The following DOCK4 variants were observed in gnomAD, a reference collection of about 807,000 sequenced individuals.
The protein encoded by DOCK4 is dedicator of cytokinesis protein 4.
In DOCK4, 97 loss-of-function variants were observed where a neutral mutation model predicts 268.1. The observed-to-expected ratio is 0.36, with a 90% CI of 0.31 to 0.43. The LOEUF (loss-of-function observed/expected upper bound fraction) is 0.43. Ranked by LOEUF, DOCK4 falls within the 20% of genes least tolerant of loss-of-function variation. DOCK4 has a pLI of 1.00. For synonymous variants in DOCK4, 954 were observed against 887.2 expected (o/e 1.08, Z -1.34); for missense variants, 2,145 against 2,455.7 (o/e 0.87, Z 2.67).
chr7:111,810,966 C>T (rs187267361), intron 28 of DOCK4, among the ~76,000 whole-genome samples: 1 of 152,188 alleles, frequency 6.6e-6, no homozygotes, highest in Non-Finnish European at 1.5e-5. Flanking sequence ...TGCGTCACTG[C>T]ATTCCAGCCT....
At chr7:111,808,664 T>C (rs1800850037) in intron 30 of DOCK4, 157 bp downstream of exon 30, 1 of 686,736 alleles carries the variant, frequency 1.5e-6, no homozygotes, top group South Asian at 2.5e-5. Context: ...TGTAACCTCA[T>C]TCAATGCCAA....
At position 111,728,335 on chromosome 7, in the gene DOCK4, G is replaced by C. The variant is rs760387414; in HGVS notation, c.5867C>G (p.Ala1956Gly). The change falls in exon 53 of 53, where the codon GCC becomes GGC. Residue 1956 changes from alanine (A) to glycine (G), a missense_variant. Around this residue, in one of 2 missense-constraint regions of DOCK4, gnomAD observed 547 missense variants for 469.0 expected, o/e 1.17. Transcript: ENST00000428084. Reference protein sequence around the residue: ...AARSSHLENGARRTDPGPRPR... With the variant: ...AARSSHLENGGRRTDPGPRPR... The stretch of plus-strand genomic sequence containing the variant: ...CCGCGGGCCGGGGTCAGTCCTCCGG[G>C]CCCCATTCTCCAGGTGGCTGGATCG... 15 of 1,519,004 alleles carry C rather than the reference G, an allele frequency of 9.9e-6. No homozygotes were observed. In the East Asian group the frequency reaches 3.2e-4, roughly 32 times the overall value. The allele number at this position is 1,519,004 out of a possible 1,614,324, so 94.1% of individuals were successfully genotyped here. A position where few individuals can be genotyped will look rare whatever the true frequency, so the allele number is the denominator to read the frequency against.
At chr7:111,973,156 C>CGCATATATATATATATATATAT (rs990863473) in intron 8 of DOCK4, among the ~76,000 whole-genome samples, 34 of 114,042 alleles carry the variant, frequency 3.0e-4, no homozygotes, top group African/African-American at 1.0e-3. Flanking sequence ...TATTCCATGG[C>CGCATATATATATATATATATAT]ATATATATAT....
intron 10 of DOCK4, among the ~76,000 whole-genome samples, chr7:111,944,511 C>G (rs1795460436): frequency 6.6e-6 from 1 of 151,476 alleles, no homozygotes; most frequent in Admixed American, 6.6e-5. Context: ...TTTTAAGAGA[C>G]AAACACAGAA....
chr7:111,791,070 TTATATATATATATATA>T (rs35033313), intron 30 of DOCK4, among the ~76,000 whole-genome samples: 3 of 95,484 alleles, frequency 3.1e-5, no homozygotes, highest in Admixed American at 1.0e-4. Context: ...AAAAAAAAAA[TTATATATATATATATA>T]TATATATATA....
At chr7:111,749,192 G>A (rs1316534829) in intron 42 of DOCK4, among the ~76,000 whole-genome samples, 1 of 152,134 alleles carries the variant, frequency 6.6e-6, no homozygotes, top group Non-Finnish European at 1.5e-5. Context: ...GGTGGAAAAC[G>A]GGTATTTACT....
In DOCK4 at chr7:112,184,815, G is replaced by T. The variant is rs1268113515; in HGVS notation, c.37+21287C>A. On this transcript the variant is annotated intron_variant, in intron 1 of 52. Transcript: ENST00000428084. The stretch of plus-strand genomic sequence containing the variant: ...CCCCCCCTTAGAGCTTGCAGAGGGT[G>T]TTGAGAGAAGAGATTATGGATGGTA... 2.6e-5 allele frequency among the ~76,000 whole-genome samples: 4 copies of T among 152,114 alleles called. No individual in the cohort carries two copies. The East Asian group carries it at 7.7e-4, about 29-fold the overall frequency.
intron 6 of DOCK4, among the ~76,000 whole-genome samples, chr7:111,986,642 T>A (rs1408403807): frequency 3.3e-5 from 5 of 152,146 alleles, no homozygotes; most frequent in Admixed American, 3.3e-4. Context: ...AAGGATTAAC[T>A]GATTGCCTCC....
Position 111,728,699 on chromosome 7 carries a change from G to A in DOCK4, c.5503C>T (p.Pro1835Ser), listed in dbSNP as rs540645941. Residue 1835 changes from proline (P) to serine (S), a missense_variant, in exon 53 of 53, where the codon CCC becomes TCC. By Grantham distance (74) the Pro-to-Ser change is moderately conservative (BLOSUM62 -1). Around this residue, in one of 2 missense-constraint regions of DOCK4, gnomAD observed 547 missense variants for 469.0 expected, o/e 1.17. Transcript: ENST00000428084. The part of the protein sequence containing the change: ...PLKGSVQSFT[P>S]SPVEYHSPGL... Reference sequence around the variant, plus strand: ...GGCGAGTGGTACTCCACTGGAGAGGGGGTGAAAGACTGCACAGAGCCCTGC... The same window carrying A: ...GGCGAGTGGTACTCCACTGGAGAGGAGGTGAAAGACTGCACAGAGCCCTGC... 1 of 1,612,934 alleles carries A rather than the reference G, an allele frequency of 6.2e-7. No individual in the cohort carries two copies. The highest frequency in any genetic ancestry group is 8.5e-7 in the Non-Finnish European group (1 of 1,179,462).
chr7:111,807,011 AT>A (rs1800724540), intron 30 of DOCK4, among the ~76,000 whole-genome samples: 1 of 152,236 alleles, frequency 6.6e-6, no homozygotes, highest in Non-Finnish European at 1.5e-5. Context: ...TGACAGCTTT[AT>A]TTAGCAGCCC....
intron 20 of DOCK4, among the ~76,000 whole-genome samples, chr7:111,870,208 A>G (rs1806296496): frequency 6.6e-6 from 1 of 152,112 alleles, no homozygotes; most frequent in Non-Finnish European, 1.5e-5. Context: ...AGGCCAAGGT[A>G]ATTTTTTTTC....
intron 1 of DOCK4, among the ~76,000 whole-genome samples, chr7:112,155,119 T>C (rs1483702914): frequency 6.6e-6 from 1 of 152,228 alleles, no homozygotes; most frequent in Non-Finnish European, 1.5e-5. Flanking sequence ...AGAGGTTAAA[T>C]GGCTTTTTAG....
At chr7:111,950,540 C>A (rs984579714) in intron 8 of DOCK4, among the ~76,000 whole-genome samples, 5 of 152,168 alleles carry the variant, frequency 3.3e-5, no homozygotes, top group Non-Finnish European at 5.9e-5. Flanking sequence ...GTATCTTCAA[C>A]TCCTAGTGAA....
At chr7:112,080,719 C>T (rs1808504590) in intron 1 of DOCK4, among the ~76,000 whole-genome samples, 2 of 152,178 alleles carry the variant, frequency 1.3e-5, no homozygotes, top group South Asian at 4.1e-4. Context: ...CTCCTTCGTT[C>T]AACGCATATT....
At chr7:111,837,743 A>C (rs565698152) in intron 25 of DOCK4, among the ~76,000 whole-genome samples, 2 of 152,340 alleles carry the variant, frequency 1.3e-5, no homozygotes, top group South Asian at 4.1e-4. Flanking sequence ...AATACTTAAA[A>C]AAAATGAAGA....
intron 30 of DOCK4, among the ~76,000 whole-genome samples, chr7:111,797,831 C>T (rs1800007311): frequency 6.6e-6 from 1 of 152,094 alleles, no homozygotes; most frequent in Non-Finnish European, 1.5e-5. Context: ...AGAATACAAC[C>T]CCTTACCCCT....
At chr7:111,941,787 G>GA (rs1430547249) in intron 10 of DOCK4, among the ~76,000 whole-genome samples, 2 of 151,760 alleles carry the variant, frequency 1.3e-5, no homozygotes, top group Non-Finnish European at 1.5e-5. Flanking sequence ...CTGCACTAAA[G>GA]AAAAAAAACT....
At chr7:112,082,152 A>G (rs139811314) in intron 1 of DOCK4, among the ~76,000 whole-genome samples, 18 of 152,322 alleles carry the variant, frequency 1.2e-4, no homozygotes, top group Admixed American at 1.2e-3. Flanking sequence ...TGCAGAGGGA[A>G]CAGTAGTAAT....
chr7:111,911,324 G>A (rs757187608), intron 13 of DOCK4, among the ~76,000 whole-genome samples: 2 of 152,184 alleles, frequency 1.3e-5, no homozygotes, highest in South Asian at 2.1e-4. Flanking sequence ...GAATTGACAA[G>A]TCTGAAAGTA....
Sources: gnomAD v4.1 joint callset for allele counts (sites outside exome capture counted in the v4.1 genomes callset) on GRCh38, gnomAD v4.1.1 for gene constraint, gnomAD v4.1.1 regional missense constraint, MANE v1.5 for transcripts, NCBI Gene and HGNC (gene_info 2026-07-23, HGNC 2026-07-21) for gene names.